The following EXT2 variants were observed in gnomAD, a reference collection of about 807,000 sequenced individuals.
EXT2 encodes the protein exostosin-2.
Under a neutral mutation model 81.6 loss-of-function variants are expected in EXT2, and 53 were observed. The observed-to-expected ratio is 0.65, with a 90% CI of 0.52 to 0.82. EXT2 has a LOEUF of 0.82. Ranked by LOEUF, EXT2 falls within the 40% of genes least tolerant of loss-of-function variation. The pLI is 0.00. For missense variants in EXT2, 774 were observed against 910.2 expected, an observed-to-expected ratio of 0.85 and a Z score of 1.93; for synonymous variants, 320 against 340.0, an observed-to-expected ratio of 0.94 and a Z score of 0.65.
rs2134983768 is a variant in EXT2, at chr11:44,114,130, G to A, written c.627-55G>A. 9.9e-6 allele frequency: 14 copies of A among 1,413,902 alleles called. No homozygotes were observed. In the South Asian group the frequency reaches 1.5e-4, roughly 15 times the overall value. 87.6% of individuals were successfully genotyped at this position (1,413,902 alleles called of 1,614,324 possible). ...TAATTCCTGTTCCTCTCCACAGTGT[G>A]TATCAGAATAAAGTCCTTTCTTTCT... On this transcript the variant is annotated intron_variant, in intron 3 of 13. Coordinates refer to ENST00000533608, the MANE Select transcript of EXT2 (RefSeq NM_207122.2).
At chr11:44,120,280 G>T (rs1954297105) in intron 4 of EXT2, among the ~76,000 whole-genome samples, 1 of 152,130 alleles carries the variant, frequency 6.6e-6, no homozygotes. Context: ...AGTTTCTAAA[G>T]TTCTGTGGTT....
intron 10 of EXT2, among the ~76,000 whole-genome samples, chr11:44,217,135 A>T (rs1410951738): frequency 1.3e-5 from 2 of 151,604 alleles, no homozygotes; most frequent in Admixed American, 1.3e-4. Context: ...AGATCTTAGG[A>T]TCATCCTGTC....
At chr11:44,244,125 C>A in intron 13 of EXT2, 24 bp from the exon 14 acceptor site, 1 of 1,612,890 alleles carries the variant, frequency 6.2e-7, no homozygotes, top group Non-Finnish European at 8.5e-7. Context: ...CCCCTCCTCC[C>A]CACCTCCTCT....
chr11:44,198,051 C>A, intron 9 of EXT2, 33 bp downstream of exon 9: 1 of 1,609,998 alleles, frequency 6.2e-7, no homozygotes, highest in South Asian at 1.1e-5. Flanking sequence ...TCAGCTGGAT[C>A]AATTTTGGAT....
At chr11:44,109,068 G>C (rs1954103219) in intron 2 of EXT2, 126 bp from the exon 3 acceptor site, 2 of 912,106 alleles carry the variant, frequency 2.2e-6, no homozygotes, top group Non-Finnish European at 3.5e-6. Context: ...CCAGGAGTTT[G>C]CTTTGCATAC....
chr11:44,160,121 T>C (rs1954909393), intron 7 of EXT2, among the ~76,000 whole-genome samples: 1 of 152,240 alleles, frequency 6.6e-6, no homozygotes, highest in African/African-American at 2.4e-5. Context: ...CAAATTCTGG[T>C]GGTAAAACTC....
intron 8 of EXT2, among the ~76,000 whole-genome samples, chr11:44,194,867 G>T (rs1174740524): frequency 6.6e-6 from 1 of 152,140 alleles, no homozygotes; most frequent in African/African-American, 2.4e-5. Context: ...TGTCAAGAGG[G>T]TTAGGTGAGT....
intron 4 of EXT2, among the ~76,000 whole-genome samples, chr11:44,122,130 G>C (rs1954327233): frequency 6.6e-6 from 1 of 152,084 alleles, no homozygotes. Flanking sequence ...AAAGAGAAAG[G>C]CTCCAGAAAC....
At chr11:44,191,245 G>A (rs1359569564) in intron 8 of EXT2, among the ~76,000 whole-genome samples, 2 of 152,262 alleles carry the variant, frequency 1.3e-5, no homozygotes, top group Admixed American at 1.3e-4. Context: ...GAATTTGGAG[G>A]AGTGAGAAGT....
chr11:44,130,036 T>G lies in EXT2; in HGVS notation c.1080-9T>G, dbSNP rs1954468679. ...GTGTGTATGTAAACTGTTTTGCTGT[T>G]GTCTCCAGAGCATCTGTGGTTGTAC... On this transcript the variant is annotated splice_polypyrimidine_tract_variant and intron_variant, in intron 6 of 13. Transcript: ENST00000533608. The G allele has an allele frequency of 6.2e-7, 1 of 1,611,254 alleles. No individual in the cohort carries two copies. Among genetic ancestry groups the G allele is most frequent in the Non-Finnish European group, 8.5e-7 (1 of 1,177,456 alleles).
chr11:44,224,360 A>G lies in EXT2; in HGVS notation c.1663-7993A>G, dbSNP rs149924164. Among the ~76,000 whole-genome samples, 502 of 152,142 alleles carry G rather than the reference A, an allele frequency of 3.3e-3. 1 individual carries two copies. Among genetic ancestry groups the G allele is most frequent in the Middle Eastern group, 0.01 (3 of 292 alleles). On this transcript the variant is annotated intron_variant, in intron 10 of 13. Coordinates refer to ENST00000533608, the MANE Select transcript of EXT2 (RefSeq NM_207122.2). ...TCTGGAGATCTATCTATCTATATCT[A>G]TATCTATATTTATTAGATATATGTG...
intron 7 of EXT2, among the ~76,000 whole-genome samples, chr11:44,156,180 T>G (rs1954852961): frequency 6.6e-6 from 1 of 152,166 alleles, no homozygotes; most frequent in South Asian, 2.1e-4. Context: ...TTTGGAAGTG[T>G]GATTATTAAA....
At chr11:44,190,150 A>C (rs1955372494) in intron 8 of EXT2, among the ~76,000 whole-genome samples, 2 of 152,214 alleles carry the variant, frequency 1.3e-5, no homozygotes, top group Admixed American at 1.3e-4. Flanking sequence ...AGTCTCTTTG[A>C]ACCTAAAGGA....
intron 8 of EXT2, among the ~76,000 whole-genome samples, chr11:44,193,558 G>T (rs1421221554): frequency 3.3e-5 from 5 of 152,212 alleles, no homozygotes; most frequent in African/African-American, 1.2e-4. Context: ...CCTGGATTCC[G>T]ATTAAGAACT....
At chr11:44,136,245 C>G (rs796272443) in intron 7 of EXT2, among the ~76,000 whole-genome samples, 6 of 152,294 alleles carry the variant, frequency 3.9e-5, no homozygotes, top group African/African-American at 9.6e-5. Flanking sequence ...TTTCCCACCC[C>G]CAGTGTACAC....
At position 44,237,439 on chromosome 11, in the gene EXT2, T is replaced by C. The variant is rs75556641; in HGVS notation, c.2018+1064T>C. Among the ~76,000 whole-genome samples the C allele has an allele frequency of 5.5e-3, 840 of 152,280 alleles. 13 individuals are homozygous for C. The highest frequency in any genetic ancestry group is 0.019 in the African/African-American group (795 of 41,552). ...TATATTATCACTGGTTGATGTGAAA[T>C]AATATATTATCACTGGTATCATAAG... On this transcript the variant is annotated intron_variant, in intron 13 of 13. Transcript: ENST00000533608.
intron 7 of EXT2, among the ~76,000 whole-genome samples, chr11:44,142,745 G>C (rs977962970): frequency 6.6e-6 from 1 of 152,266 alleles, no homozygotes. Context: ...GGAATGAGGA[G>C]ACCTACAGGC....
At chr11:44,211,530 GACAA>G in intron 10 of EXT2, among the ~76,000 whole-genome samples, 1 of 152,258 alleles carries the variant, frequency 6.6e-6, no homozygotes, top group African/African-American at 2.4e-5. Flanking sequence ...GGCACAAAAA[GACAA>G]ACATTGTATT....
intron 8 of EXT2, among the ~76,000 whole-genome samples, chr11:44,178,301 T>C (rs978059795): frequency 2.6e-5 from 4 of 152,226 alleles, no homozygotes; most frequent in African/African-American, 4.8e-5. Flanking sequence ...TGGATATTGA[T>C]GCTGCTGGTC....
Sources: allele counts gnomAD v4.1 joint callset (sites outside exome capture counted in the v4.1 genomes callset), GRCh38; gene constraint gnomAD v4.1.1; transcripts MANE v1.5; gene names NCBI Gene and HGNC (gene_info 2026-07-23, HGNC 2026-07-21).